The following PTGIS variants were observed in gnomAD, a reference collection of about 807,000 sequenced individuals.
PTGIS encodes prostaglandin I2 synthase.
Under a neutral mutation model 50.3 loss-of-function variants are expected in PTGIS, and 45 were observed. That is an observed-to-expected ratio of 0.90 (90% confidence interval 0.70 to 1.15). The LOEUF (loss-of-function observed/expected upper bound fraction) is 1.15, where lower values mean the gene tolerates loss of function less well. Ranked by LOEUF, PTGIS falls within the 50% of genes most tolerant of loss-of-function variation. The pLI is 0.00. For synonymous variants in PTGIS, 260 were observed against 267.7 expected (o/e 0.97, Z 0.28); for missense variants, 668 against 661.3 (o/e 1.01, Z -0.11).
chr20:49,544,820 GGA>G (rs1415040158), intron 3 of PTGIS, among the ~76,000 whole-genome samples: 1 of 152,170 alleles, frequency 6.6e-6, no homozygotes, highest in East Asian at 1.9e-4. Context: ...TTCTTAACCA[GGA>G]GAGTCTTTCC....
intron 5 of PTGIS, among the ~76,000 whole-genome samples, chr20:49,527,587 G>C (rs1981823980): frequency 1.3e-5 from 2 of 152,162 alleles, no homozygotes; most frequent in South Asian, 4.1e-4. Context: ...GATATGTCGG[G>C]CTGGGAGGAA....
chr20:49,524,758 A>C (rs11907499), intron 5 of PTGIS, among the ~76,000 whole-genome samples: 1,796 of 152,258 alleles, frequency 0.012, 27 homozygotes, highest in African/African-American at 0.04. Flanking sequence ...AGGAGAAACC[A>C]CTTACAAAAT....
chr20:49,539,540 C>G (rs749319591), intron 5 of PTGIS, 30 bp downstream of exon 5: 1 of 1,609,184 alleles, frequency 6.2e-7, no homozygotes, highest in Non-Finnish European at 8.5e-7. Flanking sequence ...CATCCTCCCC[C>G]CCACCCACTG....
At chr20:49,527,620 T>C (rs1158111949) in intron 5 of PTGIS, among the ~76,000 whole-genome samples, 2 of 152,118 alleles carry the variant, frequency 1.3e-5, no homozygotes, top group African/African-American at 4.8e-5. Context: ...AATTATTGTT[T>C]AATGGGCACA....
intron 1 of PTGIS, among the ~76,000 whole-genome samples, chr20:49,561,383 A>G (rs1404039836): frequency 6.6e-6 from 1 of 152,166 alleles, no homozygotes; most frequent in Non-Finnish European, 1.5e-5. Context: ...TTCTCTAGTC[A>G]AAGAGGAGAC....
chr20:49,553,929 T>C (rs927227578), intron 1 of PTGIS, among the ~76,000 whole-genome samples: 3 of 152,172 alleles, frequency 2.0e-5, no homozygotes, highest in Admixed American at 1.3e-4. Flanking sequence ...AGAGAATTTA[T>C]GAAAAACATT....
At chr20:49,562,009 C>T (rs888662330) in intron 1 of PTGIS, among the ~76,000 whole-genome samples, 5 of 152,320 alleles carry the variant, frequency 3.3e-5, no homozygotes, top group Admixed American at 2.6e-4. Context: ...AATCCTCCCC[C>T]TAACCTTATG....
chr20:49,537,728 C>T (rs552459753), intron 5 of PTGIS, among the ~76,000 whole-genome samples: 1 of 152,246 alleles, frequency 6.6e-6, no homozygotes, highest in African/African-American at 2.4e-5. Context: ...GCATTCCAGC[C>T]TGGGCAACAG....
chr20:49,541,836 T>C (rs944645979), intron 4 of PTGIS, among the ~76,000 whole-genome samples: 1 of 152,134 alleles, frequency 6.6e-6, no homozygotes, highest in African/African-American at 2.4e-5. Flanking sequence ...GGCAGCTCCA[T>C]ATCAAAAGAG....
intron 5 of PTGIS, among the ~76,000 whole-genome samples, chr20:49,528,262 T>A (rs894421238): frequency 1.3e-5 from 2 of 152,070 alleles, no homozygotes; most frequent in East Asian, 3.9e-4. Flanking sequence ...CTGAGTAGTG[T>A]GTTGAAATCT....
At chr20:49,535,575 G>A (rs1209445707) in intron 5 of PTGIS, among the ~76,000 whole-genome samples, 1 of 152,132 alleles carries the variant, frequency 6.6e-6, no homozygotes, top group Non-Finnish European at 1.5e-5. Flanking sequence ...GTGCAGTGGC[G>A]TGATCTTGGC....
intron 4 of PTGIS, among the ~76,000 whole-genome samples, chr20:49,543,966 A>C (rs896288078): frequency 1.3e-5 from 2 of 152,236 alleles, no homozygotes; most frequent in African/African-American, 4.8e-5. Context: ...TTAAGGTCCC[A>C]AGTTGATCTC....
rs78070494 is a variant in PTGIS at position 49,530,618 on chromosome 20, G to A, written c.674-6379C>T. 3.7e-3 allele frequency among the ~76,000 whole-genome samples: 560 copies of A among 152,228 alleles called. 4 individuals are homozygous for A. Among genetic ancestry groups the A allele is most frequent in the Middle Eastern group, 0.017 (5 of 294 alleles). ...CTTTTGACATTTCTAACGGGTGTGT[G>A]GTGATATCTCCTTGTGATTTTGATT... is the stretch of plus-strand genomic sequence containing the variant. On this transcript the variant is annotated intron_variant, in intron 5 of 9. Coordinates refer to ENST00000244043, the MANE Select transcript of PTGIS (RefSeq NM_000961.4).
At chr20:49,529,254 C>A (rs547093467) in intron 5 of PTGIS, among the ~76,000 whole-genome samples, 1 of 152,236 alleles carries the variant, frequency 6.6e-6, no homozygotes, top group South Asian at 2.1e-4. Flanking sequence ...TACCCTCAAC[C>A]AACACACCCC....
intron 4 of PTGIS, among the ~76,000 whole-genome samples, chr20:49,541,059 G>A (rs988194122): frequency 6.6e-6 from 1 of 152,222 alleles, no homozygotes; most frequent in East Asian, 1.9e-4. Context: ...TTGTAAAGGT[G>A]CAGCCCACAC....
At chr20:49,539,473 C>T in intron 5 of PTGIS, 97 bp downstream of exon 5, 1 of 1,391,010 alleles carries the variant, frequency 7.2e-7, no homozygotes, top group Non-Finnish European at 9.8e-7. Context: ...GGATGTCTTT[C>T]TGCCTGTGTT....
chr20:49,524,776 T>A (rs776847841), intron 5 of PTGIS, among the ~76,000 whole-genome samples: 2 of 151,910 alleles, frequency 1.3e-5, no homozygotes, highest in African/African-American at 2.4e-5. Flanking sequence ...AATCATCAGA[T>A]CTCATGAGAC....
chr20:49,538,807 G>A (rs915591558), intron 5 of PTGIS, among the ~76,000 whole-genome samples: 3 of 151,918 alleles, frequency 2.0e-5, no homozygotes, highest in Admixed American at 6.6e-5. Flanking sequence ...TCAGCTTCCC[G>A]AGTAGCCAGG....
At chr20:49,517,554 T>A (rs1367524253) in intron 6 of PTGIS, among the ~76,000 whole-genome samples, 1 of 152,216 alleles carries the variant, frequency 6.6e-6, no homozygotes, top group Non-Finnish European at 1.5e-5. Flanking sequence ...TGCCTCCGTT[T>A]ACTCAGGAAG....
Sources: allele counts gnomAD v4.1 joint callset (sites outside exome capture counted in the v4.1 genomes callset), GRCh38; gene constraint gnomAD v4.1.1; transcripts MANE v1.5; gene names NCBI Gene and HGNC (gene_info 2026-07-23, HGNC 2026-07-21).